The following COL21A1 variants were observed in gnomAD, a reference collection of about 807,000 sequenced individuals.
COL21A1 encodes the protein collagen type XXI alpha 1 chain.
COL21A1 carries 149 observed loss-of-function variants against 137.9 expected under a neutral mutation model. The ratio of observed to expected loss-of-function variants is 1.08; its 90% CI spans 0.95 to 1.24. The LOEUF (loss-of-function observed/expected upper bound fraction) is 1.24. COL21A1 is among the 50% of genes most tolerant of loss of function. COL21A1 has a pLI of 0.00. For missense variants in COL21A1, 1,167 were observed against 1,158.4 expected (o/e 1.01, Z -0.11); for synonymous variants, 456 against 391.5 (o/e 1.16, Z -1.95).
chr6:56,315,685 C>T (rs1236753723), intron 1 of COL21A1, among the ~76,000 whole-genome samples: 2 of 106,406 alleles, frequency 1.9e-5, no homozygotes, highest in Non-Finnish European at 2.3e-5. Context: ...TCCTCCTCAT[C>T]TCCCGCTCCT....
At chr6:56,091,975 A>G (rs1006947726) in intron 17 of COL21A1, among the ~76,000 whole-genome samples, 19 of 152,178 alleles carry the variant, frequency 1.2e-4, no homozygotes, top group African/African-American at 4.3e-4. Context: ...ATTTTAGGAA[A>G]AGAAAATTCC....
At chr6:56,178,703 C>T (rs1170956706) in intron 3 of COL21A1, among the ~76,000 whole-genome samples, 1 of 151,838 alleles carries the variant, frequency 6.6e-6, no homozygotes, top group African/African-American at 2.4e-5. Flanking sequence ...ATATCTATGC[C>T]CTAATAGGAT....
chr6:56,088,630 T>C (rs1768492550), intron 17 of COL21A1, among the ~76,000 whole-genome samples: 1 of 152,154 alleles, frequency 6.6e-6, no homozygotes, highest in Non-Finnish European at 1.5e-5. Flanking sequence ...ATGGTACATA[T>C]CAAGCAATAA....
intron 9 of COL21A1, among the ~76,000 whole-genome samples, chr6:56,161,251 A>G (rs1776176778): frequency 6.6e-6 from 1 of 152,182 alleles, no homozygotes; most frequent in Admixed American, 6.5e-5. Flanking sequence ...GTCCTAACCT[A>G]AAAAAGACAA....
At chr6:56,321,441 A>G (rs146028566) in intron 1 of COL21A1, among the ~76,000 whole-genome samples, 1 of 152,326 alleles carries the variant, frequency 6.6e-6, no homozygotes, top group Non-Finnish European at 1.5e-5. Context: ...ACATTCTTAA[A>G]TAAATGTGGT....
At chr6:56,150,248 G>A (rs1294812176) in intron 10 of COL21A1, among the ~76,000 whole-genome samples, 6 of 152,176 alleles carry the variant, frequency 3.9e-5, no homozygotes, top group South Asian at 2.1e-4. Flanking sequence ...GGCTGGGTGC[G>A]GTGGCTCACG....
At chr6:56,103,041 G>A (rs943627714) in intron 16 of COL21A1, among the ~76,000 whole-genome samples, 1 of 152,106 alleles carries the variant, frequency 6.6e-6, no homozygotes, top group Non-Finnish European at 1.5e-5. Flanking sequence ...ATACTATGAA[G>A]AAATAATGCA....
At chr6:56,185,141 T>G (rs1355608228) in intron 1 of COL21A1, among the ~76,000 whole-genome samples, 4 of 150,554 alleles carry the variant, frequency 2.7e-5, no homozygotes, top group South Asian at 2.1e-4. Context: ...TATCTAAGCT[T>G]CCACCTTAAG....
At chr6:56,150,565 C>CACACACA (rs1402170446) in intron 10 of COL21A1, among the ~76,000 whole-genome samples, 6 of 112,600 alleles carry the variant, frequency 5.3e-5, no homozygotes, top group African/African-American at 1.8e-4. Context: ...CACACACACA[C>CACACACA]AAGAGTGGGG....
At chr6:56,114,057 CA>C (rs1275047990) in intron 16 of COL21A1, among the ~76,000 whole-genome samples, 3 of 152,184 alleles carry the variant, frequency 2.0e-5, no homozygotes, top group African/African-American at 7.2e-5. Context: ...AACAGTATAC[CA>C]GGTAGACATC....
chr6:56,195,508 A>T (rs1778962395), intron 1 of COL21A1, among the ~76,000 whole-genome samples: 1 of 152,090 alleles, frequency 6.6e-6, no homozygotes, highest in African/African-American at 2.4e-5. Context: ...TTAGAATACT[A>T]AGAAAAAAAA....
At chr6:56,355,974 T>C (rs923447862) in intron 1 of COL21A1, among the ~76,000 whole-genome samples, 2 of 152,208 alleles carry the variant, frequency 1.3e-5, no homozygotes, top group Non-Finnish European at 2.9e-5. Flanking sequence ...AAGACTAGGA[T>C]GCAGAAGCTG....
intron 16 of COL21A1, among the ~76,000 whole-genome samples, chr6:56,102,833 C>G (rs1438935009): frequency 6.6e-6 from 1 of 152,066 alleles, no homozygotes; most frequent in Non-Finnish European, 1.5e-5. Flanking sequence ...TTTATAAACA[C>G]TAGTTGAGAA....
intron 1 of COL21A1, among the ~76,000 whole-genome samples, chr6:56,270,589 C>G (rs6902532): frequency 0.4 from 60,192 of 152,024 alleles, 13,448 homozygotes; most frequent in African/African-American, 0.59. Context: ...CTACAGAACA[C>G]TCCACCCACC....
intron 1 of COL21A1, among the ~76,000 whole-genome samples, chr6:56,221,689 A>G (rs187809109): frequency 5.9e-5 from 9 of 152,134 alleles, no homozygotes; most frequent in Non-Finnish European, 1.3e-4. Flanking sequence ...ACACCACTGC[A>G]CTGAGTGACA....
At chr6:56,333,255 G>T (rs930971898) in intron 1 of COL21A1, among the ~76,000 whole-genome samples, 1 of 151,970 alleles carries the variant, frequency 6.6e-6, no homozygotes, top group African/African-American at 2.4e-5. Context: ...AGTTTCCTGT[G>T]TTCCTTTCAA....
Position 56,074,241 on chromosome 6 carries a change from C to T in COL21A1, c.1956G>A (p.Pro652=), listed in dbSNP as rs752245502. The T allele has an allele frequency of 1.4e-5, 22 of 1,582,056 alleles. No homozygotes were observed. The highest frequency in any genetic ancestry group is 2.7e-5 in the African/African-American group (2 of 73,084). The stretch of plus-strand genomic sequence containing the variant: ...ATTTTATCATATTTACCTTAGATCC[C>T]GGTGTTCCAGGCTGGCCTGGTGAGC... ...SNGSPGQPGT[P]GSKGSKGEPG... is the part of the protein sequence containing the mutation. Residue 652 remains proline (P), a synonymous_variant, in exon 20 of 30, where the codon CCG becomes CCA. Coordinates refer to ENST00000244728, the MANE Select transcript of COL21A1 (RefSeq NM_030820.4).
chr6:56,151,695 C>T (rs551136810), intron 10 of COL21A1, among the ~76,000 whole-genome samples: 62 of 152,288 alleles, frequency 4.1e-4, no homozygotes, highest in Non-Finnish European at 7.9e-4. Flanking sequence ...GGGGGTTGCA[C>T]AGAAACAAGT....
chr6:56,080,624 A>G (rs1767670135), intron 17 of COL21A1, among the ~76,000 whole-genome samples: 1 of 151,848 alleles, frequency 6.6e-6, no homozygotes, highest in Non-Finnish European at 1.5e-5. Context: ...GGACCATCTT[A>G]GATCAAATTT....
Sources: allele counts gnomAD v4.1 joint callset (sites outside exome capture counted in the v4.1 genomes callset), GRCh38; gene constraint gnomAD v4.1.1; transcripts MANE v1.5; gene names NCBI Gene and HGNC (gene_info 2026-07-23, HGNC 2026-07-21).